Variants in ZNF385D observed in about 807,000 individuals in gnomAD.
ZNF385D encodes zinc finger protein 385D, also known as zinc finger protein 659.
Under a neutral mutation model 35.8 loss-of-function variants are expected in ZNF385D, and 15 were observed. The ratio of observed to expected loss-of-function variants is 0.42; its 90% CI spans 0.28 to 0.64. The LOEUF is 0.64. ZNF385D is among the 30% of genes least tolerant of loss of function. The pLI is 0.23. For synonymous variants in ZNF385D, 212 were observed against 186.8 expected (o/e 1.13, Z -1.10); for missense variants, 474 against 494.6 (o/e 0.96, Z 0.39).
At chr3:22,128,559 T>C (rs1413920700) in intron 3 of ZNF385D, among the ~76,000 whole-genome samples, 1 of 152,170 alleles carries the variant, frequency 6.6e-6, no homozygotes, top group African/African-American at 2.4e-5. Flanking sequence ...GTGTGTCTTA[T>C]TATTTTTTAT....
At chr3:21,903,422 T>C (rs777453305) in intron 3 of ZNF385D, among the ~76,000 whole-genome samples, 13 of 152,184 alleles carry the variant, frequency 8.5e-5, no homozygotes, top group Non-Finnish European at 1.8e-4. Context: ...CTGTACTCTA[T>C]TTTTAAAAGA....
At chr3:21,548,764 CAAAAT>C (rs970769116) in intron 3 of ZNF385D, among the ~76,000 whole-genome samples, 3 of 152,146 alleles carry the variant, frequency 2.0e-5, no homozygotes, top group African/African-American at 7.2e-5. Context: ...AGGCAAGTCT[CAAAAT>C]AAATTTCTCC....
rs11922061 is a variant in ZNF385D, at chr3:21,903,125, G to A, written c.326-238097C>T. Reference sequence around the variant, plus strand: ...TTGCACCTGTTGCACCATGACTTGCGGTCTTGAGACCAGAAGATCAACTAA... The same window carrying A: ...TTGCACCTGTTGCACCATGACTTGCAGTCTTGAGACCAGAAGATCAACTAA... On this transcript the variant is annotated intron_variant, in intron 3 of 5. Coordinates refer to the ZNF385D transcript ENST00000494108. Among the ~76,000 whole-genome samples, 1,274 of 152,138 alleles carry A rather than the reference G, an allele frequency of 8.4e-3. 13 individuals are homozygous for A. Among genetic ancestry groups the A allele is most frequent in the African/African-American group, 0.029 (1,213 of 41,492 alleles).
chr3:21,820,749 A>G (rs1475552065), intron 3 of ZNF385D, among the ~76,000 whole-genome samples: 1 of 151,760 alleles, frequency 6.6e-6, no homozygotes, highest in East Asian at 1.9e-4. Context: ...ATATAATTAT[A>G]GCTTCAACTT....
intron 2 of ZNF385D, among the ~76,000 whole-genome samples, chr3:22,223,092 G>T (rs1251609315): frequency 1.3e-5 from 2 of 152,018 alleles, no homozygotes; most frequent in Non-Finnish European, 2.9e-5. Flanking sequence ...ATCATTTAAA[G>T]TTTTTAATGT....
intron 3 of ZNF385D, among the ~76,000 whole-genome samples, chr3:21,938,814 G>C (rs1374734211): frequency 2.0e-5 from 3 of 152,184 alleles, no homozygotes; most frequent in Non-Finnish European, 4.4e-5. Context: ...TCAAGATCAA[G>C]TTCACTCCTT....
At chr3:21,900,094 C>A (rs1699325092) in intron 3 of ZNF385D, among the ~76,000 whole-genome samples, 1 of 152,062 alleles carries the variant, frequency 6.6e-6, no homozygotes, top group Non-Finnish European at 1.5e-5. Context: ...ACAAGAAACA[C>A]AAATTGCTAG....
intron 3 of ZNF385D, among the ~76,000 whole-genome samples, chr3:22,119,308 G>C (rs1702966415): frequency 1.3e-5 from 2 of 152,060 alleles, no homozygotes; most frequent in East Asian, 3.9e-4. Flanking sequence ...AAAAATACAA[G>C]GCATTGACTT....
At chr3:21,994,556 C>G (rs989739778) in intron 3 of ZNF385D, among the ~76,000 whole-genome samples, 12 of 151,976 alleles carry the variant, frequency 7.9e-5, no homozygotes, top group Non-Finnish European at 1.3e-4. Flanking sequence ...TCATTGGAAT[C>G]TATTGCTTGA....
At chr3:21,677,478 C>T (rs1308372339) in intron 1 of ZNF385D, among the ~76,000 whole-genome samples, 1 of 152,056 alleles carries the variant, frequency 6.6e-6, no homozygotes, top group Non-Finnish European at 1.5e-5. Context: ...CAGAATGCCA[C>T]AGAAATTGCA....
intron 3 of ZNF385D, among the ~76,000 whole-genome samples, chr3:21,977,361 T>A (rs1576061973): frequency 6.6e-6 from 1 of 152,148 alleles, no homozygotes; most frequent in East Asian, 1.9e-4. Context: ...AAAGCTTGAG[T>A]ATGGTGGTGG....
At chr3:21,885,690 ATATAT>A (rs1055014381) in intron 3 of ZNF385D, among the ~76,000 whole-genome samples, 3 of 151,356 alleles carry the variant, frequency 2.0e-5, no homozygotes, top group African/African-American at 4.8e-5. Context: ...AAACATATAT[ATATAT>A]TATATTAGGG....
intron 3 of ZNF385D, among the ~76,000 whole-genome samples, chr3:22,119,939 C>T (rs1458979762): frequency 6.6e-6 from 1 of 151,838 alleles, no homozygotes; most frequent in Non-Finnish European, 1.5e-5. Context: ...GCCTCAGCCT[C>T]CCAAGTAGCT....
intron 1 of ZNF385D, among the ~76,000 whole-genome samples, chr3:21,739,629 G>A (rs2069414733): frequency 6.6e-6 from 1 of 152,190 alleles, no homozygotes; most frequent in Admixed American, 6.5e-5. Context: ...TAGGCAAAGT[G>A]TACAATGAAG....
At chr3:22,323,686 ATC>A (rs1461540248) in intron 2 of ZNF385D, among the ~76,000 whole-genome samples, 2 of 152,208 alleles carry the variant, frequency 1.3e-5, no homozygotes, top group Non-Finnish European at 2.9e-5. Context: ...TCTACAGAAC[ATC>A]TGTTTCTTAA....
chr3:21,871,378 C>T (rs201418584), intron 3 of ZNF385D, among the ~76,000 whole-genome samples: 1 of 152,096 alleles, frequency 6.6e-6, no homozygotes, highest in Non-Finnish European at 1.5e-5. Flanking sequence ...ATAGCACTTG[C>T]AACTACCCGA....
At chr3:22,081,428 T>C (rs529632258) in intron 3 of ZNF385D, among the ~76,000 whole-genome samples, 2 of 152,320 alleles carry the variant, frequency 1.3e-5, no homozygotes, top group South Asian at 2.1e-4. Context: ...GAAACACACA[T>C]ATACTGTAAG....
chr3:21,939,478 C>CAA (rs141487788), intron 3 of ZNF385D, among the ~76,000 whole-genome samples: 15 of 151,320 alleles, frequency 9.9e-5, no homozygotes, highest in East Asian at 5.8e-4. Context: ...CACTTGTTCA[C>CAA]AAAAAAAACC....
intron 3 of ZNF385D, among the ~76,000 whole-genome samples, chr3:21,551,968 A>ATG (rs2062581767): frequency 6.6e-6 from 1 of 152,216 alleles, no homozygotes; most frequent in African/African-American, 2.4e-5. Context: ...TGATACAAAG[A>ATG]TGAAAAGAAC....
Sources: gnomAD v4.1 joint callset for allele counts (sites outside exome capture counted in the v4.1 genomes callset) on GRCh38, gnomAD v4.1.1 for gene constraint, MANE v1.5 for transcripts, NCBI Gene and HGNC (gene_info 2026-07-23, HGNC 2026-07-21) for gene names.